The following NAALADL2 variants were observed in gnomAD, a reference collection of about 807,000 sequenced individuals.
The protein encoded by NAALADL2 is inactive N-acetylated-alpha-linked acidic dipeptidase-like protein 2.
Under a neutral mutation model 87.2 loss-of-function variants are expected in NAALADL2, and 76 were observed. The ratio of observed to expected loss-of-function variants is 0.87; its 90% CI spans 0.72 to 1.05. The LOEUF (loss-of-function observed/expected upper bound fraction) is 1.05. Among genes scored for constraint, NAALADL2 ranks in the 50% least tolerant of loss-of-function variants. The pLI, the probability that NAALADL2 is intolerant of heterozygous loss-of-function variation, is 0.00. For missense variants in NAALADL2, 1,089 were observed against 945.8 expected (o/e 1.15, Z -1.99); for synonymous variants, 354 against 331.0 (o/e 1.07, Z -0.75).
intron 5 of NAALADL2, among the ~76,000 whole-genome samples, chr3:175,336,340 C>G (rs1268005058): frequency 6.6e-6 from 1 of 152,166 alleles, no homozygotes; most frequent in African/African-American, 2.4e-5. Flanking sequence ...CCAAATGTAT[C>G]TAACCACGGA....
At chr3:175,375,612 G>A (rs1767038250) in intron 5 of NAALADL2, among the ~76,000 whole-genome samples, 1 of 152,042 alleles carries the variant, frequency 6.6e-6, no homozygotes, top group African/African-American at 2.4e-5. Context: ...TCTGATATTA[G>A]TACAGTCACT....
chr3:175,452,152 T>A (rs1721670056), intron 6 of NAALADL2, among the ~76,000 whole-genome samples: 1 of 152,166 alleles, frequency 6.6e-6, no homozygotes, highest in Admixed American at 6.6e-5. Flanking sequence ...AATCAATGTG[T>A]TCAGAGCAGC....
intron 12 of NAALADL2, among the ~76,000 whole-genome samples, chr3:175,748,834 G>A (rs1442700545): frequency 6.6e-6 from 1 of 151,972 alleles, no homozygotes; most frequent in Non-Finnish European, 1.5e-5. Context: ...ACTGGGCATG[G>A]TGGCTCATAT....
At chr3:174,680,063 C>G (rs519525) in intron 2 of NAALADL2, among the ~76,000 whole-genome samples, 77,817 of 151,416 alleles carry the variant, frequency 0.51, 22,731 homozygotes, top group Non-Finnish European at 0.68. Flanking sequence ...TTGACACACA[C>G]TAGAAACTTA....
At chr3:174,832,904 G>A (rs1050188014) in intron 3 of NAALADL2, among the ~76,000 whole-genome samples, 30 of 152,220 alleles carry the variant, frequency 2.0e-4, no homozygotes, top group African/African-American at 5.1e-4. Flanking sequence ...AGATGTCGTC[G>A]TGTAATTTAA....
In NAALADL2 at chr3:174,924,597, A is replaced by G. The variant is rs565915642; in HGVS notation, c.43+65147A>G. 5.3e-5 allele frequency among the ~76,000 whole-genome samples: 8 copies of G among 152,262 alleles called. No individual in the cohort carries two copies. In the South Asian group the frequency reaches 1.7e-3, roughly 32 times the overall value. ...TACCCAGTTGTGGGATGACTGGGTC[A>G]AATGGTATTTCCAGTTCTAGATCCT... is the stretch of plus-strand genomic sequence containing the variant. On this transcript the variant is annotated intron_variant, in intron 1 of 13. Transcript: ENST00000454872.
chr3:174,960,920 C>T (rs1185844164), intron 1 of NAALADL2, among the ~76,000 whole-genome samples: 1 of 151,460 alleles, frequency 6.6e-6, no homozygotes, highest in Admixed American at 6.6e-5. Flanking sequence ...GCATATAGTT[C>T]CAGCTACTTA....
chr3:175,601,143 A>G (rs1722929941), intron 10 of NAALADL2, among the ~76,000 whole-genome samples: 1 of 152,166 alleles, frequency 6.6e-6, no homozygotes, highest in Non-Finnish European at 1.5e-5. Context: ...ATGACTTCTA[A>G]TTATTTAAAT....
At chr3:174,786,449 C>CAAAAAAA (rs36127298) in intron 3 of NAALADL2, among the ~76,000 whole-genome samples, 1 of 122,674 alleles carries the variant, frequency 8.2e-6, no homozygotes, top group African/African-American at 3.2e-5. Context: ...GACTCTGTCT[C>CAAAAAAA]AAAAAAAAAA....
chr3:175,397,269 C>T (rs1329914999), intron 5 of NAALADL2: 1 of 152,066 alleles, frequency 6.6e-6, no homozygotes, highest in African/African-American at 2.4e-5. Context: ...CACAAATTTG[C>T]ATGTCATCCT....
intron 9 of NAALADL2, among the ~76,000 whole-genome samples, chr3:175,525,047 T>A (rs1415506276): frequency 6.6e-6 from 1 of 152,068 alleles, no homozygotes; most frequent in Admixed American, 6.6e-5. Context: ...ACAATCTCTA[T>A]TTTTTTATTT....
At chr3:175,234,918 T>A (rs376914588) in intron 3 of NAALADL2, 12 of 152,138 alleles carry the variant, frequency 7.9e-5, no homozygotes, top group African/African-American at 2.9e-4. Context: ...TACAAATATA[T>A]GTAAATCTAG....
chr3:175,743,297 G>A (rs533024259), intron 12 of NAALADL2, among the ~76,000 whole-genome samples: 23 of 152,256 alleles, frequency 1.5e-4, no homozygotes, highest in African/African-American at 5.1e-4. Context: ...CACCATGCCC[G>A]GCCCAGAGAA....
At chr3:174,964,743 T>C (rs1742616032) in intron 1 of NAALADL2, among the ~76,000 whole-genome samples, 1 of 152,054 alleles carries the variant, frequency 6.6e-6, no homozygotes, top group Admixed American at 6.6e-5. Flanking sequence ...TCCTGCTGCT[T>C]GTAATAATAG....
intron 2 of NAALADL2, among the ~76,000 whole-genome samples, chr3:174,702,979 A>G (rs539703162): frequency 4.5e-4 from 69 of 152,342 alleles, no homozygotes; most frequent in African/African-American, 1.6e-3. Flanking sequence ...CTTGGGAAAG[A>G]AAACAAAGAG....
At chr3:175,677,399 GC>G (rs1344422646) in intron 11 of NAALADL2, among the ~76,000 whole-genome samples, 2 of 151,264 alleles carry the variant, frequency 1.3e-5, no homozygotes, top group Non-Finnish European at 2.9e-5. Flanking sequence ...AGAACTGCTT[GC>G]CTATTTTTTT....
intron 5 of NAALADL2, among the ~76,000 whole-genome samples, chr3:175,348,642 T>C (rs1763409223): frequency 6.6e-6 from 1 of 152,128 alleles, no homozygotes. Context: ...AATTTCTGCC[T>C]CCATCTCCCC....
intron 1 of NAALADL2, among the ~76,000 whole-genome samples, chr3:174,983,649 T>G (rs1745431694): frequency 6.6e-6 from 1 of 152,178 alleles, no homozygotes; most frequent in Non-Finnish European, 1.5e-5. Flanking sequence ...GGACCTCTTT[T>G]TTAAGGGCAC....
At chr3:174,908,096 G>C (rs1733205486) in intron 1 of NAALADL2, among the ~76,000 whole-genome samples, 1 of 130,152 alleles carries the variant, frequency 7.7e-6, no homozygotes, top group Non-Finnish European at 1.5e-5. Context: ...TACAAGTGCT[G>C]ACTAGCTCTT....
Sources: gnomAD v4.1 joint callset for allele counts (sites outside exome capture counted in the v4.1 genomes callset) on GRCh38, gnomAD v4.1.1 for gene constraint, MANE v1.5 for transcripts, NCBI Gene and HGNC (gene_info 2026-07-23, HGNC 2026-07-21) for gene names.